Variants in IL12RB1 observed in about 807,000 individuals in gnomAD.
IL12RB1 encodes interleukin-12 receptor subunit beta-1.
Under a neutral mutation model 94.4 loss-of-function variants are expected in IL12RB1, and 64 were observed. That is an observed-to-expected ratio of 0.68 (90% confidence interval 0.55 to 0.83). The LOEUF is 0.83. Ranked by LOEUF, IL12RB1 falls within the 40% of genes least tolerant of loss-of-function variation. The pLI is 0.00. For synonymous variants in IL12RB1, 362 were observed against 355.5 expected, an observed-to-expected ratio of 1.02 and a Z score of -0.21; for missense variants, 814 against 855.6, an observed-to-expected ratio of 0.95 and a Z score of 0.61.
At chr19:18,078,019 G>A (rs2035610917) in intron 4 of IL12RB1, among the ~76,000 whole-genome samples, 1 of 152,080 alleles carries the variant, frequency 6.6e-6, no homozygotes, top group South Asian at 2.1e-4. Flanking sequence ...TGAGATGGGA[G>A]GATCTCTTGA....
intron 7 of IL12RB1, among the ~76,000 whole-genome samples, chr19:18,074,856 C>T (rs978827327): frequency 2.0e-5 from 3 of 152,038 alleles, no homozygotes; most frequent in Admixed American, 2.0e-4. Flanking sequence ...TTGAGACCAT[C>T]CTGGCTAACA....
At position 18,072,317 on chromosome 19, in the gene IL12RB1, T is replaced by C; in HGVS notation, c.816A>G (p.Gln272=). 6.2e-7 allele frequency: 1 copy of C among 1,614,008 alleles called. No homozygotes were observed. The highest frequency in any genetic ancestry group is 1.1e-5 in the South Asian group (1 of 91,050). Residue 272 remains glutamine, a synonymous_variant, in exon 9 of 17, where the codon CAA becomes CAG. Coordinates refer to ENST00000593993, the MANE Select transcript of IL12RB1 (RefSeq NM_005535.3). ...TGACCTCCGTGCCAGGCGCCAGCCC[T>C]TGACAGCCTTCTGGAAGCTCCAGCT... ...PTQLELPEGC[Q]GLAPGTEVTY... is the part of the protein sequence containing the mutation.
chr19:18,087,769 G>T (rs748012326), upstream of IL12RB1, among the ~76,000 whole-genome samples: 2 of 151,490 alleles, frequency 1.3e-5, no homozygotes, highest in Non-Finnish European at 2.9e-5. Flanking sequence ...TGATCCGTCC[G>T]CCTTGGCCTA....
chr19:18,075,805 A>G lies in IL12RB1; in HGVS notation c.644T>C (p.Leu215Pro), dbSNP rs1568505681. The change falls in exon 7 of 17, where the codon CTG (leucine) becomes CCG (proline). Residue 215 changes from leucine (L) to proline (P), a missense_variant. Transcript: ENST00000593993. ...AQEFQLRRRQLGSQGSSWSKW... is the reference protein window; with the variant it reads ...AQEFQLRRRQPGSQGSSWSKW... The stretch of plus-strand genomic sequence containing the variant: ...GCTCCAGGAACTTCCTTGGCTCCCC[A>G]GCTGCCGTCGTCGGAGCTGGAATTC... 1 of 1,613,140 alleles carries G rather than the reference A, an allele frequency of 6.2e-7. No homozygotes were observed. Among genetic ancestry groups the G allele is most frequent in the South Asian group, 1.1e-5 (1 of 91,060 alleles).
chr19:18,093,210 G>A (rs1223348287), intron 1 of IL12RB1, among the ~76,000 whole-genome samples: 6 of 151,724 alleles, frequency 4.0e-5, no homozygotes, highest in South Asian at 2.1e-4. Flanking sequence ...GAGGCTGAGC[G>A]CAGGAGAATT....
At chr19:18,086,206 G>A (rs2036322589) in intron 1 of IL12RB1, among the ~76,000 whole-genome samples, 1 of 150,412 alleles carries the variant, frequency 6.6e-6, no homozygotes, top group Non-Finnish European at 1.5e-5. Context: ...CTGGGACACA[G>A]AGTGAGACCC....
At chr19:18,092,316 C>T (rs1329478855) in intron 1 of IL12RB1, among the ~76,000 whole-genome samples, 8 of 150,390 alleles carry the variant, frequency 5.3e-5, no homozygotes, top group Non-Finnish European at 8.9e-5. Context: ...CATGGAGAAA[C>T]CCCGTCTCTA....
In IL12RB1 at chr19:18,086,848, C is replaced by T. The variant is rs1012623474; in HGVS notation, c.-25G>A. The T allele has an allele frequency of 6.2e-7, 1 of 1,601,060 alleles. No individual in the cohort carries two copies. ...TCGGATCCACGTAGAGCCCCACAGC[C>T]CCAGGGGAGCCTCTCTGCCACCTGC... On this transcript the variant is annotated 5_prime_UTR_variant, in exon 1 of 17. Coordinates refer to ENST00000593993, the MANE Select transcript of IL12RB1 (RefSeq NM_005535.3).
At chr19:18,061,254 G>A (rs1426053044) in intron 14 of IL12RB1, 57 bp from the exon 15 acceptor site, 20 of 847,666 alleles carry the variant, frequency 2.4e-5, no homozygotes, top group Non-Finnish European at 3.2e-5. Context: ...TTTTGGAGAC[G>A]GAGTCTTGCT....
At chr19:18,093,167 T>A (rs2036712314) in intron 1 of IL12RB1, among the ~76,000 whole-genome samples, 1 of 151,700 alleles carries the variant, frequency 6.6e-6, no homozygotes, top group South Asian at 2.1e-4. Flanking sequence ...TAGCCGGGTG[T>A]GGTGGCAGGT....
chr19:18,076,008 C>T, intron 6 of IL12RB1, 140 bp from the exon 7 acceptor site: 1 of 827,184 alleles, frequency 1.2e-6, no homozygotes, highest in East Asian at 2.5e-5. Flanking sequence ...AGAAGCAGGC[C>T]AGGCCCTGTC....
At chr19:18,069,508 C>G (rs756669902) in intron 10 of IL12RB1, 38 bp downstream of exon 10, 1 of 1,558,964 alleles carries the variant, frequency 6.4e-7, no homozygotes, top group Admixed American at 1.8e-5. Context: ...AGGGAGGGCA[C>G]AGAGGAGGGG....
intron 3 of IL12RB1, 51 bp downstream of exon 3, chr19:18,082,099 G>T: frequency 1.7e-6 from 2 of 1,169,900 alleles, no homozygotes; most frequent in Non-Finnish European, 2.6e-6. Context: ...GGGGGTTGAA[G>T]CAAGAGTGGG....
chr19:18,074,677 G>C (rs1283374458), intron 7 of IL12RB1, among the ~76,000 whole-genome samples: 1 of 152,134 alleles, frequency 6.6e-6, no homozygotes, highest in Non-Finnish European at 1.5e-5. Flanking sequence ...GAACCCGTGA[G>C]GCGGAGGTTG....
intron 12 of IL12RB1, 43 bp downstream of exon 12, chr19:18,066,499 T>C (rs1436213458): frequency 2.1e-6 from 3 of 1,409,874 alleles, no homozygotes; most frequent in African/African-American, 1.4e-5. Context: ...CAGGCCAGGA[T>C]CCTCCCTTCC....
At chr19:18,095,663 G>A (rs138546718) in intron 1 of IL12RB1, among the ~76,000 whole-genome samples, 15 of 152,276 alleles carry the variant, frequency 9.9e-5, no homozygotes, top group East Asian at 7.7e-4. Flanking sequence ...CTTTAAAAGC[G>A]TGAATTTTAT....
At position 18,083,450 on chromosome 19, in the gene IL12RB1, A is replaced by G. The variant is rs760186873; in HGVS notation, c.106T>C (p.Tyr36His). ...TSECCFQDPP[Y>H]PDADSGSASG... ...CCCGAACCTGAGTCTGCATCCGGAT[A>G]TGGCGGGTCCTGAAAACAGCACTCA... The change falls in exon 2 of 17, where the codon TAT becomes CAT. Residue 36 changes from tyrosine to histidine, a missense_variant. Physicochemically the swap from Tyr to His is moderately conservative, Grantham distance 83 (BLOSUM62 2). Coordinates refer to ENST00000593993, the MANE Select transcript of IL12RB1 (RefSeq NM_005535.3). 5.6e-6 allele frequency: 9 copies of G among 1,614,050 alleles called. No homozygotes were observed. In the South Asian group the frequency reaches 6.6e-5, roughly 12 times the overall value.
In IL12RB1 at chr19:18,068,399, A is replaced by G; in HGVS notation, c.1317T>C (p.Phe439=). ...GTTTGGGTCACTTACCATTGCCCCC[A>G]AAGTGGTAGGTGGACAGGACCGTAG... ...LWSTVLSTYH[F]GGNASAAGTP... is the part of the protein sequence containing the mutation. The change falls in exon 11 of 17, where the codon TTT becomes TTC. Residue 439 remains phenylalanine, a synonymous_variant. Coordinates refer to ENST00000593993, the MANE Select transcript of IL12RB1 (RefSeq NM_005535.3). The G allele has an allele frequency of 6.2e-7, 1 of 1,612,126 alleles. No homozygotes were observed. Among genetic ancestry groups the G allele is most frequent in the Non-Finnish European group, 8.5e-7 (1 of 1,179,110 alleles).
chr19:18,072,442 G>T, intron 8 of IL12RB1, 93 bp from the exon 9 acceptor site: 1 of 825,386 alleles, frequency 1.2e-6, no homozygotes, highest in Non-Finnish European at 2.1e-6. Context: ...AGACAGACTT[G>T]GACAAAGGCC....
Sources: gnomAD v4.1 joint callset for allele counts (sites outside exome capture counted in the v4.1 genomes callset) on GRCh38, gnomAD v4.1.1 for gene constraint, MANE v1.5 for transcripts, NCBI Gene and HGNC (gene_info 2026-07-23, HGNC 2026-07-21) for gene names.